ENTHD1: variants seen among roughly 807,000 people sequenced by gnomAD.
ENTHD1 encodes the protein ENTH domain containing 1, also known as ENTH domain-containing protein 1.
In ENTHD1, 23 loss-of-function variants were observed where a neutral mutation model predicts 39.1. The observed-to-expected ratio is 0.59, with a 90% CI of 0.42 to 0.83. The LOEUF (loss-of-function observed/expected upper bound fraction) is 0.83, where lower values mean the gene tolerates loss of function less well. Among genes scored for constraint, ENTHD1 ranks in the 40% least tolerant of loss-of-function variants. ENTHD1 has a pLI of 0.00. For missense variants in ENTHD1, 624 were observed against 705.4 expected (o/e 0.88, Z 1.31); for synonymous variants, 230 against 258.2 (o/e 0.89, Z 1.05).
rs1299485844 is a variant in ENTHD1, at chr22:39,765,600, G to C, written c.842C>G (p.Pro281Arg). ...VCNLSGADAV[P>R]TLSENSPSGQ... Reference sequence around the variant, plus strand: ...AGAAGGACTATTTTCTGAGAGAGTAGGCACAGCATCTATAAAAGAACAAAT... The same window carrying C: ...AGAAGGACTATTTTCTGAGAGAGTACGCACAGCATCTATAAAAGAACAAAT... Residue 281 changes from proline to arginine, a missense_variant, in exon 6 of 7, where the codon CCT becomes CGT. Coordinates refer to ENST00000325157, the MANE Select transcript of ENTHD1 (RefSeq NM_152512.4). The C allele has an allele frequency of 6.2e-7, 1 of 1,604,272 alleles. No individual in the cohort carries two copies. Among genetic ancestry groups the C allele is most frequent in the South Asian group, 1.1e-5 (1 of 89,520 alleles).
intron 5 of ENTHD1, among the ~76,000 whole-genome samples, chr22:39,767,888 C>A (rs2146562905): frequency 6.6e-6 from 1 of 152,320 alleles, no homozygotes; most frequent in East Asian, 1.9e-4. Context: ...AGACAGAAGT[C>A]ATTCCATTTC....
At chr22:39,842,044 T>C (rs952062044) in intron 3 of ENTHD1, among the ~76,000 whole-genome samples, 3 of 151,476 alleles carry the variant, frequency 2.0e-5, no homozygotes, top group African/African-American at 4.8e-5. Flanking sequence ...TTCTTTTCTT[T>C]AAGAATGTTG....
chr22:39,878,685 A>G (rs1241154695), intron 2 of ENTHD1, among the ~76,000 whole-genome samples: 2 of 152,132 alleles, frequency 1.3e-5, no homozygotes, highest in African/African-American at 4.8e-5. Context: ...AAAAATATTC[A>G]AAGAAATTCT....
intron 5 of ENTHD1, among the ~76,000 whole-genome samples, chr22:39,812,736 C>T (rs2065700204): frequency 6.6e-6 from 1 of 152,160 alleles, no homozygotes; most frequent in African/African-American, 2.4e-5. Context: ...GCAGGGAAAA[C>T]AGCCAGTTAC....
chr22:39,873,968 G>T (rs1407106939), intron 2 of ENTHD1, among the ~76,000 whole-genome samples: 1 of 152,176 alleles, frequency 6.6e-6, no homozygotes, highest in Non-Finnish European at 1.5e-5. Flanking sequence ...AGGTTTAATG[G>T]ACTTACAGTT....
chr22:39,829,558 G>T (rs2065851473), intron 4 of ENTHD1, among the ~76,000 whole-genome samples: 1 of 152,112 alleles, frequency 6.6e-6, no homozygotes, highest in South Asian at 2.1e-4. Flanking sequence ...GCCAAGGCGG[G>T]TGGATTGCCT....
intron 5 of ENTHD1, among the ~76,000 whole-genome samples, chr22:39,782,315 C>A (rs1952943732): frequency 6.6e-6 from 1 of 151,810 alleles, no homozygotes; most frequent in Admixed American, 6.6e-5. Context: ...AAGATCAAAG[C>A]CGCAATAAAA....
intron 6 of ENTHD1, among the ~76,000 whole-genome samples, chr22:39,748,290 T>C (rs1179159454): frequency 6.6e-6 from 1 of 151,536 alleles, no homozygotes; most frequent in African/African-American, 2.4e-5. Context: ...AAAACATATC[T>C]GTTAAAGTAC....
intron 5 of ENTHD1, among the ~76,000 whole-genome samples, chr22:39,790,673 C>A (rs1300983376): frequency 2.6e-5 from 4 of 152,214 alleles, no homozygotes; most frequent in Non-Finnish European, 4.4e-5. Context: ...AGCTACTGGT[C>A]AGATCGTCTG....
Position 39,815,807 on chromosome 22 carries a change from AAAAT to A in ENTHD1, c.832+5182_832+5185del, listed in dbSNP as rs1221192249. On this transcript the variant is annotated intron_variant, in intron 5 of 6. Transcript: ENST00000325157. The stretch of plus-strand genomic sequence containing the variant: ...TACAATGAAATACTGTACAGCGGTG[AAAAT>A]AAATAGGTGAATCTTAAGCAATGAT... Among the ~76,000 whole-genome samples, 11 of 152,214 alleles carry A rather than the reference AAAAT, an allele frequency of 7.2e-5. No homozygotes were observed. In the South Asian group the frequency reaches 1.0e-3, roughly 14 times the overall value.
chr22:39,877,898 A>G (rs1371181309), intron 2 of ENTHD1, among the ~76,000 whole-genome samples: 1 of 152,206 alleles, frequency 6.6e-6, no homozygotes, highest in Non-Finnish European at 1.5e-5. Flanking sequence ...ATGCCCAGCT[A>G]TCAAGAAAAA....
At chr22:39,856,274 CA>C (rs34598525) in intron 3 of ENTHD1, among the ~76,000 whole-genome samples, 549 of 50,764 alleles carry the variant, frequency 0.011, 4 homozygotes, top group African/African-American at 0.027. Context: ...AACTTCATCT[CA>C]AAAAAAAAAA....
At chr22:39,750,590 AC>A (rs1309258217) in intron 6 of ENTHD1, 1 of 153,030 alleles carries the variant, frequency 6.5e-6, no homozygotes. Context: ...GAACTGAAAA[AC>A]AGTACAAATT....
chr22:39,747,189 A>G (rs2065112261), intron 6 of ENTHD1, among the ~76,000 whole-genome samples: 2 of 152,176 alleles, frequency 1.3e-5, no homozygotes, highest in Admixed American at 6.5e-5. Context: ...GGCTCTTGCT[A>G]CATTGGCAAG....
At chr22:39,857,090 C>G (rs2066097473) in intron 3 of ENTHD1, among the ~76,000 whole-genome samples, 1 of 152,004 alleles carries the variant, frequency 6.6e-6, no homozygotes, top group African/African-American at 2.4e-5. Context: ...TCATTCATAG[C>G]TCAGTGTAGT....
At position 39,743,599 on chromosome 22, in the gene ENTHD1, A is replaced by C; in HGVS notation, c.*80T>G. 7.1e-7 allele frequency: 1 copy of C among 1,411,752 alleles called. No homozygotes were observed. Among genetic ancestry groups the C allele is most frequent in the Non-Finnish European group, 9.3e-7 (1 of 1,077,256 alleles). The allele number at this position is 1,411,752 out of a possible 1,614,324, so 87.5% of individuals were successfully genotyped here. A position where few individuals can be genotyped will look rare whatever the true frequency, so the allele number is the denominator to read the frequency against. ...AACCATCCCCTTTTTTGCCATAATA[A>C]TATGAATTTATACAATGCTAACGTA... On this transcript the variant is annotated 3_prime_UTR_variant, in exon 7 of 7. Transcript: ENST00000325157.
chr22:39,815,398 G>A (rs1284713426), intron 5 of ENTHD1, among the ~76,000 whole-genome samples: 5 of 151,518 alleles, frequency 3.3e-5, no homozygotes, highest in Non-Finnish European at 5.9e-5. Context: ...AGCCAAGATC[G>A]TGCCATTGGA....
At chr22:39,780,508 A>G (rs1212959368) in intron 5 of ENTHD1, among the ~76,000 whole-genome samples, 2 of 152,238 alleles carry the variant, frequency 1.3e-5, no homozygotes, top group East Asian at 3.8e-4. Flanking sequence ...CATATAGACC[A>G]AAAGTGAAGG....
intron 2 of ENTHD1, among the ~76,000 whole-genome samples, chr22:39,877,829 C>T (rs1034100703): frequency 3.3e-5 from 5 of 152,094 alleles, no homozygotes; most frequent in African/African-American, 1.2e-4. Flanking sequence ...GATCAGTAAG[C>T]CTAACTTACT....
Sources: allele counts gnomAD v4.1 joint callset (sites outside exome capture counted in the v4.1 genomes callset), GRCh38; gene constraint gnomAD v4.1.1; transcripts MANE v1.5; gene names NCBI Gene and HGNC (gene_info 2026-07-23, HGNC 2026-07-21).